LRRTM4: variants seen among roughly 807,000 people sequenced by gnomAD.
The protein encoded by LRRTM4 is leucine-rich repeat transmembrane neuronal protein 4.
LRRTM4 carries 25 observed loss-of-function variants against 47.6 expected under a neutral mutation model. The ratio of observed to expected loss-of-function variants is 0.53; its 90% CI spans 0.38 to 0.73. The LOEUF (loss-of-function observed/expected upper bound fraction) is 0.73. Among genes scored for constraint, LRRTM4 ranks in the 30% least tolerant of loss-of-function variants. The pLI is 0.00. For synonymous variants in LRRTM4, 311 were observed against 269.5 expected (o/e 1.15, Z -1.51); for missense variants, 638 against 713.4 (o/e 0.89, Z 1.20).
At chr2:76,880,719 T>C (rs1338182806) in intron 3 of LRRTM4, among the ~76,000 whole-genome samples, 1 of 152,076 alleles carries the variant, frequency 6.6e-6, no homozygotes, top group Non-Finnish European at 1.5e-5. Context: ...TGGATTCTGG[T>C]ACACAAAAAC....
chr2:76,921,317 C>T (rs914700263), intron 3 of LRRTM4, among the ~76,000 whole-genome samples: 1 of 151,958 alleles, frequency 6.6e-6, no homozygotes, highest in African/African-American at 2.4e-5. Context: ...GTAGGGAGAC[C>T]AGAAGTTCCC....
At chr2:76,905,130 C>A (rs964358100) in intron 3 of LRRTM4, among the ~76,000 whole-genome samples, 1 of 152,102 alleles carries the variant, frequency 6.6e-6, no homozygotes, top group South Asian at 2.1e-4. Context: ...CTCACATGGC[C>A]GGGTACTCCT....
intron 3 of LRRTM4, among the ~76,000 whole-genome samples, chr2:77,039,826 T>C (rs953742791): frequency 7.9e-5 from 12 of 151,072 alleles, no homozygotes; most frequent in African/African-American, 2.4e-4. Flanking sequence ...TAGGACAACA[T>C]TGCACTCACA....
chr2:76,901,414 G>C (rs1426580744), intron 3 of LRRTM4, among the ~76,000 whole-genome samples: 1 of 152,000 alleles, frequency 6.6e-6, no homozygotes, highest in East Asian at 1.9e-4. Context: ...GTATTCCATG[G>C]TCTATATGTA....
chr2:77,303,794 C>T (rs290043), intron 3 of LRRTM4, among the ~76,000 whole-genome samples: 54,597 of 151,948 alleles, frequency 0.36, 12,359 homozygotes, highest in African/African-American at 0.63. Flanking sequence ...GATTTCCTTC[C>T]TTTTATGGCT....
At chr2:76,868,876 A>G (rs939139643) in intron 3 of LRRTM4, among the ~76,000 whole-genome samples, 2 of 152,084 alleles carry the variant, frequency 1.3e-5, no homozygotes, top group Admixed American at 6.6e-5. Flanking sequence ...CTTTTCAAGT[A>G]TCTGTATTAT....
intron 3 of LRRTM4, among the ~76,000 whole-genome samples, chr2:77,306,346 T>C (rs867232843): frequency 6.6e-6 from 1 of 152,324 alleles, no homozygotes; most frequent in Middle Eastern, 3.4e-3. Flanking sequence ...CAATGGCTTA[T>C]ATCAGGTTGG....
At chr2:77,363,503 G>A (rs1376060849) in intron 3 of LRRTM4, among the ~76,000 whole-genome samples, 1 of 152,162 alleles carries the variant, frequency 6.6e-6, no homozygotes, top group Non-Finnish European at 1.5e-5. Context: ...CTGAACAGAG[G>A]CAGTGGTGGT....
intron 3 of LRRTM4, among the ~76,000 whole-genome samples, chr2:77,099,433 A>C (rs1290806976): frequency 6.6e-6 from 1 of 151,982 alleles, no homozygotes; most frequent in Non-Finnish European, 1.5e-5. Context: ...ACATGGTTTA[A>C]GGAGACTATA....
At chr2:77,056,932 A>G (rs890073292) in intron 3 of LRRTM4, among the ~76,000 whole-genome samples, 2 of 152,216 alleles carry the variant, frequency 1.3e-5, no homozygotes, top group Non-Finnish European at 1.5e-5. Context: ...AGTTCATATA[A>G]TATAGGATTT....
intron 3 of LRRTM4, among the ~76,000 whole-genome samples, chr2:76,888,968 C>T (rs1417915628): frequency 2.0e-5 from 3 of 151,824 alleles, no homozygotes; most frequent in African/African-American, 7.2e-5. Flanking sequence ...CATATTTCAA[C>T]AAATAGCTTT....
intron 3 of LRRTM4, among the ~76,000 whole-genome samples, chr2:77,066,820 T>A (rs1382227923): frequency 2.0e-5 from 3 of 152,242 alleles, no homozygotes; most frequent in African/African-American, 4.8e-5. Context: ...TTTGGTTGAA[T>A]TTGGAAGAAT....
chr2:77,197,172 A>G (rs1414903776), intron 3 of LRRTM4, among the ~76,000 whole-genome samples: 1 of 152,156 alleles, frequency 6.6e-6, no homozygotes, highest in Non-Finnish European at 1.5e-5. Flanking sequence ...TAATCTTTGT[A>G]CTGAGGATAG....
intron 3 of LRRTM4, among the ~76,000 whole-genome samples, chr2:77,342,518 C>T (rs2104278461): frequency 6.6e-6 from 1 of 151,990 alleles, no homozygotes; most frequent in East Asian, 1.9e-4. Flanking sequence ...CTCCAGTTTG[C>T]CAATTCATAA....
intron 3 of LRRTM4, among the ~76,000 whole-genome samples, chr2:77,513,506 T>C (rs1277939585): frequency 1.3e-5 from 2 of 152,168 alleles, no homozygotes; most frequent in East Asian, 1.9e-4. Flanking sequence ...GACTTGACTA[T>C]GTTAAATTTT....
chr2:77,201,730 T>C (rs6743954), intron 3 of LRRTM4, among the ~76,000 whole-genome samples: 29,814 of 152,002 alleles, frequency 0.2, 5,627 homozygotes, highest in African/African-American at 0.49. Flanking sequence ...TTCTGATATC[T>C]TTATAATATT....
chr2:77,004,235 A>G (rs991444106), intron 3 of LRRTM4, among the ~76,000 whole-genome samples: 1 of 151,646 alleles, frequency 6.6e-6, no homozygotes, highest in African/African-American at 2.4e-5. Context: ...ACAGTCCCCA[A>G]CCCCCATCAT....
chr2:77,140,369 T>C (rs914776786), intron 3 of LRRTM4, among the ~76,000 whole-genome samples: 17 of 152,120 alleles, frequency 1.1e-4, no homozygotes, highest in Admixed American at 8.5e-4. Context: ...AAACAAGGAA[T>C]GGGAAAAGGA....
chr2:77,241,853 G>C (rs1390657092), intron 3 of LRRTM4, among the ~76,000 whole-genome samples: 1 of 151,796 alleles, frequency 6.6e-6, no homozygotes, highest in East Asian at 1.9e-4. Context: ...TATTGTCTTA[G>C]GTCCAATATA....
Sources: gnomAD v4.1 joint callset for allele counts (sites outside exome capture counted in the v4.1 genomes callset) on GRCh38, gnomAD v4.1.1 for gene constraint, MANE v1.5 for transcripts, NCBI Gene and HGNC (gene_info 2026-07-23, HGNC 2026-07-21) for gene names.